Variants in SLC30A4 observed in about 807,000 individuals in gnomAD.
SLC30A4 encodes solute carrier family 30 member 4, also known as probable proton-coupled zinc antiporter SLC30A4.
A neutral mutation model predicts 41.7 loss-of-function variants in SLC30A4; 20 were observed. The observed-to-expected ratio is 0.48, with a 90% confidence interval of 0.34 to 0.70. The LOEUF (loss-of-function observed/expected upper bound fraction) is 0.70. SLC30A4 is among the 30% of genes least tolerant of loss of function. The pLI is 0.01. For synonymous variants in SLC30A4, 181 were observed against 195.9 expected (o/e 0.92, Z 0.64); for missense variants, 441 against 529.3 (o/e 0.83, Z 1.64).
At chr15:45,498,910 C>T (rs1891958644) in intron 3 of SLC30A4, among the ~76,000 whole-genome samples, 1 of 151,974 alleles carries the variant, frequency 6.6e-6, no homozygotes, top group African/African-American at 2.4e-5. Flanking sequence ...ATCCATAGAG[C>T]AAGAGGGGAT....
At chr15:45,513,770 A>C (rs1177790711) in intron 2 of SLC30A4, 1 of 152,228 alleles carries the variant, frequency 6.6e-6, no homozygotes, top group Non-Finnish European at 1.5e-5. Context: ...ACTGGAGGAT[A>C]CAAAATGAGT....
At chr15:45,521,030 G>A (rs1314869679) in intron 2 of SLC30A4, 1 of 465,930 alleles carries the variant, frequency 2.1e-6, no homozygotes, top group Non-Finnish European at 4.4e-6. Context: ...AAGAAGGTAG[G>A]AAATGTATAT....
At chr15:45,520,414 C>T (rs144882357) in intron 2 of SLC30A4, among the ~76,000 whole-genome samples, 4 of 151,978 alleles carry the variant, frequency 2.6e-5, no homozygotes, top group East Asian at 3.9e-4. Flanking sequence ...GGATTACAGG[C>T]GCCCACCACA....
chr15:45,520,799 G>A (rs539774495), intron 2 of SLC30A4: 1 of 283,212 alleles, frequency 3.5e-6, no homozygotes, highest in Non-Finnish European at 7.2e-6. Context: ...ATACACATGT[G>A]ACCTGTGTAT....
intron 2 of SLC30A4, chr15:45,513,900 G>C (rs1892377904): frequency 6.6e-6 from 1 of 152,290 alleles, no homozygotes; most frequent in African/African-American, 2.4e-5. Context: ...TGCCCTGTAT[G>C]AACAGCCCCC....
At chr15:45,501,200 C>T (rs1232154513) in intron 3 of SLC30A4, among the ~76,000 whole-genome samples, 2 of 151,476 alleles carry the variant, frequency 1.3e-5, no homozygotes, top group African/African-American at 2.4e-5. Context: ...CCCAGCTACT[C>T]GGGAGGCTGA....
chr15:45,511,205 G>A lies in SLC30A4; in HGVS notation c.471C>T (p.Thr157=), dbSNP rs1236454796. 1.2e-6 allele frequency: 2 copies of A among 1,613,360 alleles called. No individual in the cohort carries two copies. The highest frequency in any genetic ancestry group is 1.1e-5 in the South Asian group (1 of 91,038). The stretch of plus-strand genomic sequence containing the variant: ...TTGATGATAGCCACAAAGCAAGCAG[G>A]GTGAGTATGATGGCGCTTAGGTCAG... ...MLTDLSAIIL[T]LLALWLSSKS... is the part of the protein sequence containing the mutation. The change falls in exon 3 of 8, where the codon ACC becomes ACT. Residue 157 remains threonine, a synonymous_variant. Coordinates refer to ENST00000261867, the MANE Select transcript of SLC30A4 (RefSeq NM_013309.6).
chr15:45,520,696 C>T (rs1566884737), intron 2 of SLC30A4, among the ~76,000 whole-genome samples: 1 of 152,144 alleles, frequency 6.6e-6, no homozygotes, highest in Non-Finnish European at 1.5e-5. Context: ...AGTGGACACA[C>T]GAAATCCATT....
chr15:45,504,810 C>G (rs1156683161), intron 3 of SLC30A4, among the ~76,000 whole-genome samples: 2 of 152,182 alleles, frequency 1.3e-5, no homozygotes, highest in African/African-American at 4.8e-5. Flanking sequence ...TGTTAGGTAA[C>G]TTGCCCAAGG....
rs770158039 is a variant in SLC30A4 at position 45,522,381 on chromosome 15, G to A, written c.-27C>T. On this transcript the variant is annotated 5_prime_UTR_variant, in exon 2 of 8. Transcript: ENST00000261867. ...GCAGAGGCTGAGCGGCCGCGGTGCG[G>A]AACGGCTTGGGGGAGGCGGACGGCC... 3.5e-5 allele frequency: 55 copies of A among 1,574,766 alleles called. No individual in the cohort carries two copies. Among genetic ancestry groups the A allele is most frequent in the Non-Finnish European group, 1.7e-6 (2 of 1,164,158 alleles).
At chr15:45,506,004 G>A (rs550346065) in intron 3 of SLC30A4, among the ~76,000 whole-genome samples, 2 of 152,156 alleles carry the variant, frequency 1.3e-5, no homozygotes, top group East Asian at 3.9e-4. Flanking sequence ...ACAGGCTGCA[G>A]AGTTTGCAAC....
At chr15:45,506,272 T>A (rs1892155103) in intron 3 of SLC30A4, among the ~76,000 whole-genome samples, 1 of 152,108 alleles carries the variant, frequency 6.6e-6, no homozygotes, top group African/African-American at 2.4e-5. Context: ...TTTTGCATAT[T>A]TACAAAATAA....
At chr15:45,521,823 G>T in intron 2 of SLC30A4, 141 bp downstream of exon 2, 1 of 771,710 alleles carries the variant, frequency 1.3e-6, no homozygotes, top group Non-Finnish European at 2.1e-6. Flanking sequence ...GGAACCGTGT[G>T]GCCTTTTCAC....
chr15:45,494,674 C>T (rs1399249729), intron 3 of SLC30A4, among the ~76,000 whole-genome samples: 1 of 151,238 alleles, frequency 6.6e-6, no homozygotes, highest in African/African-American at 2.5e-5. Flanking sequence ...GGTGGCAGAG[C>T]GAGACTCTGT....
intron 2 of SLC30A4, chr15:45,513,681 C>T (rs1892368453): frequency 6.6e-6 from 1 of 152,136 alleles, no homozygotes; most frequent in Non-Finnish European, 1.5e-5. Context: ...GCGCTGTACC[C>T]ATTTGTTGTC....
In SLC30A4 at chr15:45,485,164, T is replaced by C; in HGVS notation, c.1289A>G (p.Ter430=). ...CAGGAGTTCCCAAAATACATAAAAT[T>C]AGGGACTAGAACTCTGACAATTTGC... ...TCANCQSSSP[*] Residue 430 remains the stop codon, a stop_retained_variant, in exon 8 of 8, where the codon TAA becomes TGA. Transcript: ENST00000261867. 1.2e-6 allele frequency: 2 copies of C among 1,609,124 alleles called. No homozygotes were observed. Among genetic ancestry groups the C allele is most frequent in the Non-Finnish European group, 1.7e-6 (2 of 1,178,514 alleles).
At chr15:45,494,775 C>G (rs1254647989) in intron 3 of SLC30A4, among the ~76,000 whole-genome samples, 1 of 152,152 alleles carries the variant, frequency 6.6e-6, no homozygotes, top group Non-Finnish European at 1.5e-5. Context: ...GTGGTAGCCT[C>G]CTACCACCAG....
At chr15:45,499,725 T>G (rs1034927345) in intron 3 of SLC30A4, among the ~76,000 whole-genome samples, 1 of 152,170 alleles carries the variant, frequency 6.6e-6, no homozygotes, top group Non-Finnish European at 1.5e-5. Context: ...CAGAATAAGA[T>G]AGCATGCCCA....
intron 3 of SLC30A4, among the ~76,000 whole-genome samples, chr15:45,508,651 T>C (rs1459062045): frequency 6.6e-6 from 1 of 152,208 alleles, no homozygotes; most frequent in Non-Finnish European, 1.5e-5. Flanking sequence ...GGTGTTTTGG[T>C]ACCTCTATGT....
Sources: allele counts gnomAD v4.1 joint callset (sites outside exome capture counted in the v4.1 genomes callset), GRCh38; gene constraint gnomAD v4.1.1; transcripts MANE v1.5; gene names NCBI Gene and HGNC (gene_info 2026-07-23, HGNC 2026-07-21).